Variants in WAPL observed in about 807,000 individuals in gnomAD.
The protein encoded by WAPL is WAPL cohesin release factor.
A neutral mutation model predicts 121.0 loss-of-function variants in WAPL; 5 were observed. The observed-to-expected ratio is 0.04, with a 90% CI of 0.02 to 0.09. The LOEUF is 0.09. WAPL is among the 10% of genes least tolerant of loss of function. The pLI is 1.00. For synonymous variants in WAPL, 480 were observed against 481.5 expected (o/e 1.00, Z 0.04); for missense variants, 999 against 1,410.8 (o/e 0.71, Z 4.68).
At chr10:86,439,000 A>T (rs1160647128) in intron 17 of WAPL, among the ~76,000 whole-genome samples, 1 of 152,224 alleles carries the variant, frequency 6.6e-6, no homozygotes, top group Non-Finnish European at 1.5e-5. Flanking sequence ...CACCTGTAGT[A>T]AGGGGCAAAA....
At chr10:86,481,122 C>A (rs1841773451) in intron 4 of WAPL, among the ~76,000 whole-genome samples, 1 of 152,064 alleles carries the variant, frequency 6.6e-6, no homozygotes. Context: ...TTTGCCAATA[C>A]TGGATGTGGG....
chr10:86,469,054 A>G (rs1841469449), intron 8 of WAPL, among the ~76,000 whole-genome samples: 1 of 152,016 alleles, frequency 6.6e-6, no homozygotes, highest in Non-Finnish European at 1.5e-5. Context: ...CAGTGAGCCA[A>G]GATTGTGTCA....
At position 86,472,589 on chromosome 10, in the gene WAPL, A is replaced by T; in HGVS notation, c.1893+23T>A. ...ATACAAAAATCTATCAACATGCAGT[A>T]AACACTGTATATGGCTGCTTACTTC... On this transcript the variant is annotated intron_variant, in intron 6 of 18. Transcript: ENST00000298767. The surrounding 1 kb of genome is among the most constrained non-coding windows in gnomAD (Gnocchi z 4.2). The T allele has an allele frequency of 6.2e-7, 1 of 1,606,250 alleles. No individual in the cohort carries two copies. The highest frequency in any genetic ancestry group is 1.1e-5 in the South Asian group (1 of 89,726).
chr10:86,499,057 CTA>C (rs1842198529), intron 3 of WAPL, among the ~76,000 whole-genome samples: 1 of 152,206 alleles, frequency 6.6e-6, no homozygotes, highest in African/African-American at 2.4e-5. Context: ...AAAATCTAAT[CTA>C]TGTTTTCACT....
At chr10:86,521,276 T>C (rs1254509843) in intron 1 of WAPL, 89 bp downstream of exon 1, 2 of 239,300 alleles carry the variant, frequency 8.4e-6, no homozygotes, top group Admixed American at 6.3e-5. Context: ...GGCGAGGCAG[T>C]GAGACTTCCA....
Position 86,499,825 on chromosome 10 carries a change from C to A in WAPL, c.1418G>T (p.Arg473Ile). The A allele has an allele frequency of 6.2e-7, 1 of 1,613,600 alleles. No individual in the cohort carries two copies. Among genetic ancestry groups the A allele is most frequent in the Non-Finnish European group, 8.5e-7 (1 of 1,179,904 alleles). The change falls in exon 3 of 19, where the codon AGA (arginine) becomes ATA (isoleucine). Residue 473 changes from arginine to isoleucine, a missense_variant. Physicochemically the swap from Arg to Ile is moderately conservative, Grantham distance 97. Around this residue, in one of 7 missense-constraint regions of WAPL, gnomAD observed 531 missense variants for 563.1 expected, o/e 0.94. Coordinates refer to ENST00000298767, the MANE Select transcript of WAPL (RefSeq NM_015045.5). ...TTTAGTTCTTTTTTTGCTTGTCTTTCTTTCTACTTGACAGTCATCATCTTC... is the reference window on the plus strand; with the variant it reads ...TTTAGTTCTTTTTTTGCTTGTCTTTATTTCTACTTGACAGTCATCATCTTC... Reference protein sequence around the residue: ...DDEDDDCQVERKTSKKRTKTA... With the variant: ...DDEDDDCQVEIKTSKKRTKTA...
At chr10:86,445,957 C>A (rs758538408) in intron 16 of WAPL, among the ~76,000 whole-genome samples, 4 of 152,138 alleles carry the variant, frequency 2.6e-5, no homozygotes, top group Non-Finnish European at 5.9e-5. Context: ...TATTATGTCT[C>A]CTATATGTCT....
intron 11 of WAPL, among the ~76,000 whole-genome samples, chr10:86,459,982 C>T (rs2132180961): frequency 6.6e-6 from 1 of 152,250 alleles, no homozygotes; most frequent in South Asian, 2.1e-4. Context: ...GGCATGATGG[C>T]ACATGCCTAT....
At chr10:86,476,274 A>T (rs1841651524) in intron 4 of WAPL, among the ~76,000 whole-genome samples, 1 of 152,064 alleles carries the variant, frequency 6.6e-6, no homozygotes, top group Admixed American at 6.5e-5. Context: ...CTGAGGGAGG[A>T]GAATTGCTAG....
At chr10:86,453,577 G>T (rs1841054053) in intron 13 of WAPL, 79 bp downstream of exon 13, 1 of 1,473,120 alleles carries the variant, frequency 6.8e-7, no homozygotes, top group Non-Finnish European at 9.1e-7. Flanking sequence ...ACTACCCCAG[G>T]AAAAGGAGAA....
At chr10:86,450,924 AC>A (rs1210562185) in intron 15 of WAPL, among the ~76,000 whole-genome samples, 1 of 152,228 alleles carries the variant, frequency 6.6e-6, no homozygotes. Flanking sequence ...GCTCAAAGAA[AC>A]ACTCTCATTC....
At chr10:86,497,922 T>C (rs1426942995) in intron 3 of WAPL, among the ~76,000 whole-genome samples, 1 of 152,244 alleles carries the variant, frequency 6.6e-6, no homozygotes, top group Non-Finnish European at 1.5e-5. Context: ...TGGTTAAAAA[T>C]ATGTATCTTT....
intron 15 of WAPL, 89 bp from the exon 16 acceptor site, chr10:86,446,538 T>C: frequency 7.6e-7 from 1 of 1,316,052 alleles, no homozygotes; most frequent in Non-Finnish European, 1.0e-6. Context: ...TGCTTTTAAA[T>C]CTATCACTAA....
intron 12 of WAPL, among the ~76,000 whole-genome samples, chr10:86,458,434 C>T (rs890920023): frequency 6.6e-6 from 1 of 151,982 alleles, no homozygotes; most frequent in Non-Finnish European, 1.5e-5. Context: ...AAAAACAGGT[C>T]TAAATAAAGT....
chr10:86,495,068 T>C (rs1233374391), intron 4 of WAPL, among the ~76,000 whole-genome samples: 1 of 152,190 alleles, frequency 6.6e-6, no homozygotes, highest in Non-Finnish European at 1.5e-5. Context: ...TCTTTAGTTA[T>C]TTAAAAGCAA....
chr10:86,510,862 T>C (rs1026253499), intron 2 of WAPL, among the ~76,000 whole-genome samples: 2 of 152,026 alleles, frequency 1.3e-5, no homozygotes, highest in African/African-American at 4.8e-5. Flanking sequence ...TTTGAGATGG[T>C]ATCTTGCTGT....
chr10:86,517,741 G>A lies in WAPL; in HGVS notation c.329C>T (p.Thr110Ile). 6.2e-7 allele frequency: 1 copy of A among 1,614,148 alleles called. No individual in the cohort carries two copies. Residue 110 changes from threonine (T) to isoleucine (I), a missense_variant, in exon 2 of 19, where the codon ACT becomes ATT. This residue lies in a region of WAPL where 531 missense variants were observed against 563.1 expected (regional missense o/e 0.94). Transcript: ENST00000298767. ...SSEAAQLEEVTSVLEANSKIS... is the reference protein window; with the variant it reads ...SSEAAQLEEVISVLEANSKIS... The stretch of plus-strand genomic sequence containing the variant: ...TTTGCTATTAGCTTCAAGTACTGAA[G>A]TGACCTCTTCCAACTGAGCAGCTTC...
intron 8 of WAPL, 35 bp downstream of exon 8, chr10:86,470,957 A>C (rs771571496): frequency 1.9e-6 from 3 of 1,575,192 alleles, no homozygotes; most frequent in South Asian, 1.1e-5. Flanking sequence ...AGTTTTCAAC[A>C]TAAGGCTTCT....
chr10:86,467,975 G>A (rs1841440083), intron 8 of WAPL, among the ~76,000 whole-genome samples: 1 of 151,890 alleles, frequency 6.6e-6, no homozygotes, highest in Admixed American at 6.6e-5. Flanking sequence ...ACCACGCCCG[G>A]CCCCTCTCTA....
Sources: gnomAD v4.1 joint callset for allele counts (sites outside exome capture counted in the v4.1 genomes callset) on GRCh38, gnomAD v4.1.1 for gene constraint, gnomAD v4.1.1 regional missense constraint, Gnocchi (gnomAD v3.1) non-coding constraint, MANE v1.5 for transcripts, NCBI Gene and HGNC (gene_info 2026-07-23, HGNC 2026-07-21) for gene names.